Variants in RBPJ observed in about 807,000 individuals in gnomAD.
RBPJ encodes recombination signal binding protein for immunoglobulin kappa J region, also known as recombining binding protein suppressor of hairless.
Under a neutral mutation model 67.8 loss-of-function variants are expected in RBPJ, and 9 were observed. The observed-to-expected ratio is 0.13, with a 90% CI of 0.08 to 0.23. The LOEUF (loss-of-function observed/expected upper bound fraction) is 0.23. RBPJ is among the 10% of genes least tolerant of loss of function. RBPJ has a pLI of 1.00. For missense variants in RBPJ, 305 were observed against 595.6 expected, an observed-to-expected ratio of 0.51 and a Z score of 5.08; for synonymous variants, 198 against 203.3, an observed-to-expected ratio of 0.97 and a Z score of 0.22.
intron 5 of RBPJ, among the ~76,000 whole-genome samples, chr4:26,421,469 G>A (rs1034461099): frequency 2.0e-5 from 3 of 151,796 alleles, no homozygotes; most frequent in Non-Finnish European, 2.9e-5. Context: ...ACGCCCGGCT[G>A]ATTTTGTATT....
chr4:26,394,005 A>G (rs1044154129), intron 2 of RBPJ, among the ~76,000 whole-genome samples: 33 of 150,050 alleles, frequency 2.2e-4, no homozygotes, highest in Non-Finnish European at 4.1e-4. Context: ...AATATATACT[A>G]TTCACTGTTA....
At chr4:26,123,465 C>G in the RBPJ span, among the ~76,000 whole-genome samples, 6 of 152,136 alleles carry the variant, frequency 3.9e-5, no homozygotes, top group Non-Finnish European at 8.8e-5. Context: ...ATGCTGTAGA[C>G]TTTATAAACA....
intron 1 of RBPJ, among the ~76,000 whole-genome samples, chr4:26,379,942 A>G (rs1348555786): frequency 6.6e-6 from 1 of 152,128 alleles, no homozygotes. Context: ...TCCAGAACAC[A>G]TCTTGCTTTG....
chr4:26,172,012 G>T (rs1351390058), intron 1 of RBPJ, among the ~76,000 whole-genome samples: 1 of 152,250 alleles, frequency 6.6e-6, no homozygotes, highest in Non-Finnish European at 1.5e-5. Context: ...TAAGCTGGAG[G>T]TTAAAATCGC....
At chr4:26,353,361 G>T (rs1437096163) in intron 1 of RBPJ, among the ~76,000 whole-genome samples, 2 of 152,134 alleles carry the variant, frequency 1.3e-5, no homozygotes, top group African/African-American at 2.4e-5. Flanking sequence ...GCAGAGGCAG[G>T]TATTTGTTTT....
At chr4:26,130,887 A>G in the RBPJ span, among the ~76,000 whole-genome samples, 1 of 143,596 alleles carries the variant, frequency 7.0e-6, no homozygotes, top group South Asian at 2.6e-4. Flanking sequence ...ATCCTCATTA[A>G]TTTAATGTGT....
chr4:26,309,501 A>G (rs1290886018), intron 1 of RBPJ, among the ~76,000 whole-genome samples: 3 of 152,208 alleles, frequency 2.0e-5, no homozygotes, highest in Non-Finnish European at 4.4e-5. Flanking sequence ...TATCAAAGCA[A>G]CCCTATGCAA....
chr4:26,241,658 TGC>T (rs564035484), intron 1 of RBPJ, among the ~76,000 whole-genome samples: 34 of 152,076 alleles, frequency 2.2e-4, no homozygotes, highest in African/African-American at 8.0e-4. Flanking sequence ...ACTACAGGCA[TGC>T]CCCACCACAC....
rs1303907745 is a variant in RBPJ, at chr4:26,362,380, AAC to A, written c.21-23969_21-23968del. On this transcript the variant is annotated intron_variant, in intron 1 of 10. Transcript: ENST00000355476. ...GTTTTTCTTAGTCATGGCAGCAGTT[AAC>A]ACAGTGCACTAGCAGTTTAACATAC... The A allele has an allele frequency of 1.2e-5, 12 of 970,828 alleles. No individual in the cohort carries two copies. The Admixed American group carries it at 1.4e-4, about 12-fold the overall frequency. 60.1% of individuals were successfully genotyped at this position (970,828 alleles called of 1,614,324 possible).
At chr4:26,308,217 A>C (rs1722306713) in intron 1 of RBPJ, among the ~76,000 whole-genome samples, 1 of 152,160 alleles carries the variant, frequency 6.6e-6, no homozygotes, top group South Asian at 2.1e-4. Context: ...CGGAGCTTGC[A>C]GTGAGCCGAG....
At chr4:26,345,862 T>A (rs1726077555) in intron 1 of RBPJ, among the ~76,000 whole-genome samples, 1 of 152,190 alleles carries the variant, frequency 6.6e-6, no homozygotes, top group Admixed American at 6.5e-5. Flanking sequence ...CTATTATGTA[T>A]GGGGAAGATT....
intron 1 of RBPJ, among the ~76,000 whole-genome samples, chr4:26,333,346 T>C (rs1412613399): frequency 1.3e-5 from 2 of 152,200 alleles, no homozygotes; most frequent in African/African-American, 4.8e-5. Flanking sequence ...GCTAACACTT[T>C]GTTGAATATC....
At chr4:26,223,867 T>C (rs1288606946) in intron 1 of RBPJ, among the ~76,000 whole-genome samples, 1 of 152,208 alleles carries the variant, frequency 6.6e-6, no homozygotes, top group Non-Finnish European at 1.5e-5. Flanking sequence ...CACATTATCA[T>C]AATAAGATGA....
chr4:26,230,923 A>G (rs914418555), intron 1 of RBPJ, among the ~76,000 whole-genome samples: 6 of 152,162 alleles, frequency 3.9e-5, no homozygotes, highest in Non-Finnish European at 8.8e-5. Context: ...AAGTACTCCA[A>G]TTGACTGTCA....
chr4:26,219,838 C>A (rs1718842161), intron 1 of RBPJ, among the ~76,000 whole-genome samples: 2 of 152,062 alleles, frequency 1.3e-5, no homozygotes, highest in African/African-American at 4.8e-5. Context: ...TGCAGTGGCA[C>A]AATCTCGGCT....
chr4:26,323,197 G>T (rs972991908), intron 1 of RBPJ, among the ~76,000 whole-genome samples: 2 of 152,018 alleles, frequency 1.3e-5, no homozygotes, highest in African/African-American at 4.8e-5. Flanking sequence ...GCTTGAGTGG[G>T]TTTTACCAAT....
At chr4:26,143,703 G>T in the RBPJ span, among the ~76,000 whole-genome samples, 1 of 152,234 alleles carries the variant, frequency 6.6e-6, no homozygotes, top group Non-Finnish European at 1.5e-5. Flanking sequence ...AAGGCAGGTG[G>T]ATGGCTTGAG....
the RBPJ span, among the ~76,000 whole-genome samples, chr4:26,107,548 A>G: frequency 6.6e-6 from 1 of 152,252 alleles, no homozygotes; most frequent in African/African-American, 2.4e-5. Flanking sequence ...AGAAAACCGC[A>G]GCACTGAATG....
intron 1 of RBPJ, among the ~76,000 whole-genome samples, chr4:26,355,566 G>C (rs1727284801): frequency 6.6e-6 from 1 of 151,664 alleles, no homozygotes; most frequent in South Asian, 2.1e-4. Context: ...AGCCCCAGGA[G>C]TTCAGGGCTG....
Sources: allele counts gnomAD v4.1 joint callset (sites outside exome capture counted in the v4.1 genomes callset), GRCh38; gene constraint gnomAD v4.1.1; transcripts MANE v1.5; gene names NCBI Gene and HGNC (gene_info 2026-07-23, HGNC 2026-07-21).